TANC2: variants seen among roughly 807,000 people sequenced by gnomAD.
TANC2 encodes tetratricopeptide repeat, ankyrin repeat and coiled-coil containing 2, also known as protein TANC2.
A neutral mutation model predicts 210.5 loss-of-function variants in TANC2; 26 were observed. The ratio of observed to expected loss-of-function variants is 0.12; its 90% CI spans 0.09 to 0.17. The LOEUF (loss-of-function observed/expected upper bound fraction) is 0.17, where lower values mean the gene tolerates loss of function less well. Among genes scored for constraint, TANC2 ranks in the 10% least tolerant of loss-of-function variants. The probability of loss-of-function intolerance (pLI) is 1.00; values close to 1 mark genes in which losing one functional copy is unlikely to be tolerated. For missense variants in TANC2, 2,129 were observed against 2,608.9 expected (o/e 0.82, Z 4.01); for synonymous variants, 931 against 967.1 (o/e 0.96, Z 0.69).
At chr17:63,313,924 C>T (rs530870223) in intron 9 of TANC2, among the ~76,000 whole-genome samples, 1 of 152,328 alleles carries the variant, frequency 6.6e-6, no homozygotes, top group African/African-American at 2.4e-5. Flanking sequence ...TAAAGAGCTG[C>T]TACGGTAAGC....
chr17:63,339,754 C>T (rs1163630307), intron 11 of TANC2, among the ~76,000 whole-genome samples: 1 of 152,100 alleles, frequency 6.6e-6, no homozygotes, highest in Non-Finnish European at 1.5e-5. Flanking sequence ...CTGCTCCATG[C>T]TGAATAAATG....
rs528921368 is a variant in TANC2, at chr17:62,991,553, T to C, written c.-23-17984T>C. 6.6e-5 allele frequency among the ~76,000 whole-genome samples: 10 copies of C among 150,682 alleles called. No homozygotes were observed. The South Asian group carries it at 1.0e-3, about 16-fold the overall frequency. On this transcript the variant is annotated intron_variant, in intron 1 of 27. Coordinates refer to ENST00000689528, the Ensembl canonical transcript of TANC2. The stretch of plus-strand genomic sequence containing the variant: ...TTCTCGGGAGGCTGAGGCAGGAGAA[T>C]GCCGTGAACCTGGGAGGCGGAGCTT...
chr17:62,977,733 A>G (rs116056753), intron 1 of TANC2, among the ~76,000 whole-genome samples: 2 of 152,158 alleles, frequency 1.3e-5, no homozygotes, highest in African/African-American at 4.8e-5. Flanking sequence ...GCAACCACTA[A>G]AATAAACAAA....
At chr17:63,323,416 G>A (rs1195802917) in intron 11 of TANC2, among the ~76,000 whole-genome samples, 1 of 152,104 alleles carries the variant, frequency 6.6e-6, no homozygotes, top group Non-Finnish European at 1.5e-5. Flanking sequence ...TTGATAGGTT[G>A]GCATCTCTCG....
At chr17:63,270,767 G>T (rs530832634) in intron 9 of TANC2, among the ~76,000 whole-genome samples, 1 of 152,152 alleles carries the variant, frequency 6.6e-6, no homozygotes, top group South Asian at 2.1e-4. Flanking sequence ...CATCACCCAA[G>T]TATTAAGCCT....
chr17:63,098,460 ACACACACACACACACACACATACACT>A lies in TANC2; in HGVS notation c.140-713_140-688del, dbSNP rs1285743366. ...CACACACACACACACACACACACAC[ACACACACACACACACACACATACACT>A]CTCTCTCTCTCTCTCTCTCTCTCTG... is the stretch of plus-strand genomic sequence containing the variant. On this transcript the variant is annotated intron_variant, in intron 3 of 27. Coordinates refer to ENST00000689528, the Ensembl canonical transcript of TANC2. Among the ~76,000 whole-genome samples the A allele has an allele frequency of 9.1e-3, 462 of 50,830 alleles. 9 individuals carry two copies. Among genetic ancestry groups the A allele is most frequent in the African/African-American group, 0.046 (363 of 7,892 alleles). The allele number at this position is 50,830 out of a possible 152,430, so 33.3% of individuals were successfully genotyped here. A position where few individuals can be genotyped will look rare whatever the true frequency, so the allele number is the denominator to read the frequency against.
intron 9 of TANC2, among the ~76,000 whole-genome samples, chr17:63,277,322 G>A (rs1438293958): frequency 6.7e-6 from 1 of 148,846 alleles, no homozygotes; most frequent in Non-Finnish European, 1.5e-5. Flanking sequence ...CGGGGTGCGT[G>A]TGAAGGTTCA....
At chr17:62,985,719 T>C (rs906344159) in intron 1 of TANC2, among the ~76,000 whole-genome samples, 2 of 152,186 alleles carry the variant, frequency 1.3e-5, no homozygotes, top group Non-Finnish European at 2.9e-5. Context: ...TTTGGTTCTG[T>C]CTTATGATAC....
rs374302856 is a variant in TANC2 at position 63,180,275 on chromosome 17, C to T, written c.434-13716C>T. Among the ~76,000 whole-genome samples the T allele has an allele frequency of 1.1e-4, 16 of 152,302 alleles. No homozygotes were observed. In the South Asian group the frequency reaches 3.3e-3, roughly 32 times the overall value. On this transcript the variant is annotated intron_variant, in intron 5 of 27. Transcript: ENST00000689528. ...AAGATGTTGGAATATGTTTAACACT[C>T]AATGGGAAAAACTCATCTGAAAGCA...
chr17:63,238,534 A>G (rs541015593), intron 8 of TANC2, among the ~76,000 whole-genome samples: 98 of 152,342 alleles, frequency 6.4e-4, no homozygotes, highest in Admixed American at 1.4e-3. Context: ...ACAAGAATTC[A>G]GCTTTTCCTC....
intron 18 of TANC2, among the ~76,000 whole-genome samples, chr17:63,398,386 G>C (rs2048235568): frequency 6.6e-6 from 1 of 151,590 alleles, no homozygotes; most frequent in Admixed American, 6.6e-5. Context: ...AGCCTGGGAG[G>C]TCAAGACTGC....
At chr17:63,189,319 G>A (rs1196024492) in intron 5 of TANC2, among the ~76,000 whole-genome samples, 3 of 152,150 alleles carry the variant, frequency 2.0e-5, no homozygotes, top group African/African-American at 7.2e-5. Flanking sequence ...AACTCTATGT[G>A]TAACATCTTG....
intron 9 of TANC2, among the ~76,000 whole-genome samples, chr17:63,307,162 T>G (rs2044942444): frequency 6.6e-6 from 1 of 152,080 alleles, no homozygotes; most frequent in African/African-American, 2.4e-5. Flanking sequence ...GAGTTTTGAT[T>G]TTATTCTAAA....
At chr17:63,225,741 T>C (rs2042310711) in intron 7 of TANC2, among the ~76,000 whole-genome samples, 2 of 152,214 alleles carry the variant, frequency 1.3e-5, no homozygotes, top group African/African-American at 4.8e-5. Context: ...TCCTTTGTCA[T>C]TTCTTAATAC....
intron 15 of TANC2, among the ~76,000 whole-genome samples, chr17:63,380,609 C>T (rs2047574901): frequency 1.3e-5 from 2 of 152,204 alleles, no homozygotes; most frequent in African/African-American, 2.4e-5. Context: ...CTGAGAGTTC[C>T]AATCCCTACA....
At chr17:63,037,795 A>G (rs948696019) in intron 2 of TANC2, among the ~76,000 whole-genome samples, 32 of 152,176 alleles carry the variant, frequency 2.1e-4, no homozygotes, top group African/African-American at 7.0e-4. Context: ...GCTGGGCGGC[A>G]GACCGAGACT....
intron 9 of TANC2, among the ~76,000 whole-genome samples, chr17:63,270,671 G>GT (rs1404361086): frequency 5.9e-5 from 9 of 151,940 alleles, no homozygotes; most frequent in African/African-American, 1.9e-4. Flanking sequence ...TGTGAAATAG[G>GT]TTTTTTTTAA....
At chr17:63,269,278 A>G (rs935670367) in intron 9 of TANC2, among the ~76,000 whole-genome samples, 2 of 152,110 alleles carry the variant, frequency 1.3e-5, no homozygotes, top group Non-Finnish European at 2.9e-5. Flanking sequence ...TCAGTTTGTC[A>G]TATACCAGTT....
chr17:63,315,786 T>C (rs2045295326), intron 10 of TANC2, among the ~76,000 whole-genome samples: 1 of 152,232 alleles, frequency 6.6e-6, no homozygotes. Context: ...AGCAGCCTTG[T>C]ATCATTAAGG....
Sources: gnomAD v4.1 joint callset for allele counts (sites outside exome capture counted in the v4.1 genomes callset) on GRCh38, gnomAD v4.1.1 for gene constraint, MANE v1.5 for transcripts, NCBI Gene and HGNC (gene_info 2026-07-23, HGNC 2026-07-21) for gene names.